The following CRLS1 variants were observed in gnomAD, a reference collection of about 807,000 sequenced individuals.
CRLS1 encodes the protein cardiolipin synthase (CMP-forming).
A neutral mutation model predicts 37.0 loss-of-function variants in CRLS1; 24 were observed. That is an observed-to-expected ratio of 0.65 (90% CI 0.47 to 0.91). CRLS1 has a LOEUF of 0.91. CRLS1 is among the 40% of genes least tolerant of loss of function. CRLS1 has a pLI of 0.00. For synonymous variants in CRLS1, 135 were observed against 159.7 expected, an observed-to-expected ratio of 0.85 and a Z score of 1.17; for missense variants, 373 against 395.8, an observed-to-expected ratio of 0.94 and a Z score of 0.49.
chr20:6,031,734 T>C (rs1441592176), intron 4 of CRLS1, among the ~76,000 whole-genome samples: 1 of 152,236 alleles, frequency 6.6e-6, no homozygotes, highest in Non-Finnish European at 1.5e-5. Context: ...CAGTATTTTG[T>C]TCATTTTATT....
intron 2 of CRLS1, among the ~76,000 whole-genome samples, chr20:6,010,170 G>A (rs2090114893): frequency 6.6e-6 from 1 of 151,628 alleles, no homozygotes; most frequent in Admixed American, 6.6e-5. Flanking sequence ...GTTTTTAAGA[G>A]TGAAAGAAAC....
intron 3 of CRLS1, chr20:6,015,795 T>C: frequency 6.8e-6 from 2 of 293,870 alleles, no homozygotes; most frequent in South Asian, 6.5e-5. Context: ...ACATTATGTA[T>C]TTTTAGTGCC....
chr20:6,011,572 CTTTTTTTTTTTTTTTTTTT>C (rs559511975), intron 2 of CRLS1, among the ~76,000 whole-genome samples: 1,817 of 28,054 alleles, frequency 0.065, 132 homozygotes, highest in African/African-American at 0.16. Flanking sequence ...TTTGTCCCTG[CTTTTTTTTTTTTTTTTTTT>C]TTTTTTTTTT....
chr20:6,009,737 T>G, intron 1 of CRLS1, 38 bp from the exon 2 acceptor site: 2 of 1,566,996 alleles, frequency 1.3e-6, no homozygotes, highest in Non-Finnish European at 1.7e-6. Context: ...TATGAATTCA[T>G]AGTATTTTAC....
At chr20:6,011,572 CTT>C (rs559511975) in intron 2 of CRLS1, among the ~76,000 whole-genome samples, 74 of 27,822 alleles carry the variant, frequency 2.7e-3, no homozygotes, top group South Asian at 3.5e-3. Flanking sequence ...TTTGTCCCTG[CTT>C]TTTTTTTTTT....
chr20:6,006,668 C>T (rs919766836), intron 1 of CRLS1, 116 bp downstream of exon 1: 2 of 1,210,408 alleles, frequency 1.7e-6, no homozygotes, highest in African/African-American at 3.2e-5. Flanking sequence ...AACTTTTAGA[C>T]TCTTCCCTGA....
chr20:6,032,387 C>T (rs1980233590), intron 5 of CRLS1, among the ~76,000 whole-genome samples: 1 of 127,284 alleles, frequency 7.9e-6, no homozygotes, highest in Admixed American at 8.4e-5. Context: ...TTTTTTGAGA[C>T]AAGGTCTTAC....
At chr20:6,034,412 A>G in intron 5 of CRLS1, 52 bp from the exon 6 acceptor site, 3 of 1,286,708 alleles carry the variant, frequency 2.3e-6, no homozygotes, top group Non-Finnish European at 3.3e-6. Flanking sequence ...GAAAGCTTGA[A>G]ATAGGATCCA....
intron 3 of CRLS1, among the ~76,000 whole-genome samples, chr20:6,024,520 C>G (rs1412252382): frequency 1.3e-5 from 2 of 152,186 alleles, no homozygotes; most frequent in Non-Finnish European, 2.9e-5. Flanking sequence ...CTCCTCAGGC[C>G]TCCCTATTCC....
chr20:6,012,703 C>T (rs1468350979), intron 2 of CRLS1, among the ~76,000 whole-genome samples: 2 of 152,024 alleles, frequency 1.3e-5, no homozygotes, highest in Admixed American at 6.6e-5. Flanking sequence ...AGGAAGTCAT[C>T]GTTACAGAGA....
intron 6 of CRLS1, among the ~76,000 whole-genome samples, chr20:6,035,436 G>A (rs1206162742): frequency 1.3e-5 from 2 of 151,994 alleles, no homozygotes; most frequent in Non-Finnish European, 2.9e-5. Context: ...TTGCAAAGCA[G>A]TCTAAGAACT....
At chr20:6,005,956 G>T (rs1020412331), upstream of CRLS1, 6 of 266,798 alleles carry the variant, frequency 2.2e-5, no homozygotes, top group Non-Finnish European at 2.1e-5. Context: ...AGAGCGCCGC[G>T]TACCCGCTGC....
At chr20:6,023,001 T>A (rs985102835) in intron 3 of CRLS1, among the ~76,000 whole-genome samples, 1 of 152,220 alleles carries the variant, frequency 6.6e-6, no homozygotes. Flanking sequence ...ATTTTTCATT[T>A]CATTACCTGT....
At chr20:6,011,841 C>A (rs1216268995) in intron 2 of CRLS1, among the ~76,000 whole-genome samples, 1 of 151,648 alleles carries the variant, frequency 6.6e-6, no homozygotes, top group Non-Finnish European at 1.5e-5. Flanking sequence ...CCACCTCGGC[C>A]TCCCTCGGCC....
At chr20:6,033,812 T>C (rs1414743435) in intron 5 of CRLS1, among the ~76,000 whole-genome samples, 1 of 152,164 alleles carries the variant, frequency 6.6e-6, no homozygotes, top group Non-Finnish European at 1.5e-5. Flanking sequence ...CCCAAGTAGC[T>C]GAGAGTACAG....
At chr20:6,030,267 G>T (rs568922812) in intron 3 of CRLS1, among the ~76,000 whole-genome samples, 2 of 152,060 alleles carry the variant, frequency 1.3e-5, no homozygotes, top group Admixed American at 6.6e-5. Context: ...AGGAAATAGG[G>T]GTTCCTTGGG....
intron 5 of CRLS1, 96 bp from the exon 6 acceptor site, chr20:6,034,368 C>A: frequency 1.3e-6 from 1 of 769,892 alleles, no homozygotes; most frequent in Non-Finnish European, 2.2e-6. Context: ...GAGGGTATGT[C>A]ATGTTATAGT....
chr20:6,015,523 A>G, intron 3 of CRLS1, 33 bp downstream of exon 3: 3 of 1,604,476 alleles, frequency 1.9e-6, no homozygotes, highest in African/African-American at 1.3e-5. Flanking sequence ...TTTGAATAGC[A>G]CAGGGAAGAA....
chr20:6,012,848 G>A (rs1978436710), intron 2 of CRLS1, among the ~76,000 whole-genome samples: 1 of 152,178 alleles, frequency 6.6e-6, no homozygotes, highest in African/African-American at 2.4e-5. Context: ...GGAACCCTGG[G>A]AAGGAATAGC....
Sources: allele counts gnomAD v4.1 joint callset (sites outside exome capture counted in the v4.1 genomes callset), GRCh38; gene constraint gnomAD v4.1.1; transcripts MANE v1.5; gene names NCBI Gene and HGNC (gene_info 2026-07-23, HGNC 2026-07-21).